Variants in NCAM1 observed in about 807,000 individuals in gnomAD.
NCAM1 encodes antigen recognized by monoclonal antibody 5.1H11.
A neutral mutation model predicts 109.8 loss-of-function variants in NCAM1; 14 were observed. The observed-to-expected ratio is 0.13, with a 90% CI of 0.08 to 0.20. NCAM1 has a LOEUF of 0.20. Among genes scored for constraint, NCAM1 ranks in the 10% least tolerant of loss-of-function variants. The pLI is 1.00. For synonymous variants in NCAM1, 418 were observed against 442.9 expected, an observed-to-expected ratio of 0.94 and a Z score of 0.70; for missense variants, 774 against 1,109.9, an observed-to-expected ratio of 0.70 and a Z score of 4.30.
chr11:113,104,220 G>A (rs1443054129), intron 1 of NCAM1, among the ~76,000 whole-genome samples: 1 of 92,054 alleles, frequency 1.1e-5, no homozygotes, highest in African/African-American at 4.0e-5. Flanking sequence ...GGGGGGGGGC[G>A]GGGTGGTGGT....
At chr11:113,175,562 T>G (rs927375328) in intron 1 of NCAM1, among the ~76,000 whole-genome samples, 5 of 152,220 alleles carry the variant, frequency 3.3e-5, no homozygotes, top group African/African-American at 1.2e-4. Context: ...TGGTTTTAGA[T>G]CAAGGCCTAG....
intron 1 of NCAM1, among the ~76,000 whole-genome samples, chr11:112,982,766 A>C (rs1951187304): frequency 6.6e-6 from 1 of 151,746 alleles, no homozygotes; most frequent in South Asian, 2.1e-4. Flanking sequence ...GGAAGGGGAA[A>C]ATAGGGACTT....
At chr11:113,216,808 A>G (rs951966774) in intron 8 of NCAM1, among the ~76,000 whole-genome samples, 2 of 152,208 alleles carry the variant, frequency 1.3e-5, no homozygotes, top group Non-Finnish European at 1.5e-5. Flanking sequence ...TTATATATTG[A>G]CGTCAAAGAG....
At chr11:113,041,065 C>A (rs1454869272) in intron 1 of NCAM1, 2 of 152,128 alleles carry the variant, frequency 1.3e-5, no homozygotes, top group East Asian at 1.9e-4. Flanking sequence ...AAATTATTTT[C>A]AGCTACAAGG....
chr11:113,210,613 G>C (rs1944358031), intron 7 of NCAM1, among the ~76,000 whole-genome samples: 1 of 152,076 alleles, frequency 6.6e-6, no homozygotes, highest in Non-Finnish European at 1.5e-5. Flanking sequence ...CCTCTCTGGT[G>C]GTGATGGCTG....
chr11:113,013,720 G>A (rs1290457827), intron 1 of NCAM1, among the ~76,000 whole-genome samples: 1 of 152,140 alleles, frequency 6.6e-6, no homozygotes, highest in Non-Finnish European at 1.5e-5. Context: ...TTGCAAGACT[G>A]TGTGTTATAT....
intron 1 of NCAM1, among the ~76,000 whole-genome samples, chr11:113,190,478 G>C (rs1163936067): frequency 1.3e-5 from 2 of 152,164 alleles, no homozygotes; most frequent in African/African-American, 4.8e-5. Context: ...GCCACCATCT[G>C]CTGCTGCCCC....
chr11:113,269,914 C>G (rs1266457760), intron 17 of NCAM1: 1 of 522,268 alleles, frequency 1.9e-6, no homozygotes, highest in Non-Finnish European at 3.5e-6. Flanking sequence ...GGGGCTCAGT[C>G]TGCTCCCAGG....
intron 1 of NCAM1, among the ~76,000 whole-genome samples, chr11:113,052,059 C>CT (rs1184399399): frequency 5.3e-5 from 8 of 152,148 alleles, no homozygotes; most frequent in Non-Finnish European, 7.3e-5. Context: ...GCAAGAGAGT[C>CT]TTTTAAGTTT....
At chr11:113,175,237 C>T (rs1555106837) in intron 1 of NCAM1, among the ~76,000 whole-genome samples, 2 of 152,182 alleles carry the variant, frequency 1.3e-5, no homozygotes, top group African/African-American at 4.8e-5. Context: ...TAGAGTTTAC[C>T]AGTTTTGCTG....
intron 1 of NCAM1, among the ~76,000 whole-genome samples, chr11:113,055,982 T>G (rs1159522614): frequency 2.1e-3 from 37 of 17,802 alleles, no homozygotes; most frequent in African/African-American, 4.7e-3. Context: ...AAATGTGATA[T>G]ATATATATAT....
chr11:113,208,128 G>A, intron 7 of NCAM1, 126 bp downstream of exon 7: 1 of 1,132,752 alleles, frequency 8.8e-7, no homozygotes. Context: ...TTTCTTGCCA[G>A]TTCCACCACC....
chr11:112,986,425 A>G (rs1444255086), intron 1 of NCAM1, among the ~76,000 whole-genome samples: 1 of 152,062 alleles, frequency 6.6e-6, no homozygotes, highest in African/African-American at 2.4e-5. Flanking sequence ...CTGACTTAGT[A>G]AAATGAGTTT....
At chr11:112,971,256 C>G (rs922394590) in intron 1 of NCAM1, among the ~76,000 whole-genome samples, 1 of 151,760 alleles carries the variant, frequency 6.6e-6, no homozygotes, top group Non-Finnish European at 1.5e-5. Flanking sequence ...GTCTCTGTCT[C>G]TCTCTCTCTC....
intron 1 of NCAM1, among the ~76,000 whole-genome samples, chr11:113,061,733 G>A (rs75199373): frequency 0.01 from 1,535 of 152,256 alleles, 26 homozygotes; most frequent in African/African-American, 0.035. Flanking sequence ...GCTTCTAATC[G>A]TGCAGCTTGT....
intron 1 of NCAM1, among the ~76,000 whole-genome samples, chr11:113,019,058 C>T (rs1270897062): frequency 1.3e-5 from 2 of 152,046 alleles, no homozygotes; most frequent in East Asian, 3.9e-4. Flanking sequence ...GTGAAATGCC[C>T]CAAATGAAGT....
chr11:113,211,260 G>C (rs1218970806), intron 7 of NCAM1, among the ~76,000 whole-genome samples: 3 of 152,184 alleles, frequency 2.0e-5, no homozygotes, highest in Admixed American at 6.5e-5. Flanking sequence ...AGTGGGAGTA[G>C]AGTCTACAGC....
Position 113,255,942 on chromosome 11 carries a change from C to G in NCAM1, c.1894C>G (p.Leu632Val). Reference protein sequence around the residue: ...GEDGNSIKVNLIKQDDGGSPI... With the variant: ...GEDGNSIKVNVIKQDDGGSPI... ...GGATGGAAACTCTATTAAAGTGAAC[C>G]TGATCAAGCAGGATGACGGCGGCTC... Residue 632 changes from leucine to valine, a missense_variant, in exon 16 of 20, where the codon CTG becomes GTG. Leu to Val is a conservative substitution (Grantham distance 32, BLOSUM62 1). Transcript: ENST00000316851. 1.2e-6 allele frequency: 2 copies of G among 1,610,028 alleles called. No individual in the cohort carries two copies. Among genetic ancestry groups the G allele is most frequent in the Non-Finnish European group, 1.7e-6 (2 of 1,178,334 alleles).
At chr11:113,062,769 C>T (rs868941811) in intron 1 of NCAM1, among the ~76,000 whole-genome samples, 12 of 152,132 alleles carry the variant, frequency 7.9e-5, no homozygotes, top group Non-Finnish European at 1.5e-4. Context: ...CCTAAGAGTT[C>T]GAGACCAGTC....
Sources: gnomAD v4.1 joint callset for allele counts (sites outside exome capture counted in the v4.1 genomes callset) on GRCh38, gnomAD v4.1.1 for gene constraint, MANE v1.5 for transcripts, NCBI Gene and HGNC (gene_info 2026-07-23, HGNC 2026-07-21) for gene names.